ZNF385D: variants seen among roughly 807,000 people sequenced by gnomAD.
ZNF385D encodes the protein zinc finger protein 659.
Under a neutral mutation model 35.8 loss-of-function variants are expected in ZNF385D, and 15 were observed. That is an observed-to-expected ratio of 0.42 (90% CI 0.28 to 0.64). The LOEUF (loss-of-function observed/expected upper bound fraction) is 0.64, where lower values mean the gene tolerates loss of function less well. Among genes scored for constraint, ZNF385D ranks in the 30% least tolerant of loss-of-function variants. The pLI, the probability that ZNF385D is intolerant of heterozygous loss-of-function variation, is 0.23. For synonymous variants in ZNF385D, 212 were observed against 186.8 expected, an observed-to-expected ratio of 1.13 and a Z score of -1.10; for missense variants, 474 against 494.6, an observed-to-expected ratio of 0.96 and a Z score of 0.39.
At chr3:21,660,717 T>A (rs80178803) in intron 2 of ZNF385D, among the ~76,000 whole-genome samples, 1 of 152,216 alleles carries the variant, frequency 6.6e-6, no homozygotes, top group African/African-American at 2.4e-5. Context: ...CAAGCCATTC[T>A]CCTTCGATCT....
chr3:21,770,603 G>A (rs1442725633), intron 3 of ZNF385D, among the ~76,000 whole-genome samples: 1 of 152,192 alleles, frequency 6.6e-6, no homozygotes, highest in Non-Finnish European at 1.5e-5. Context: ...GTGCTGGAGA[G>A]GATGTGGAGA....
chr3:21,837,594 C>T (rs1374756824), intron 3 of ZNF385D, among the ~76,000 whole-genome samples: 1 of 151,970 alleles, frequency 6.6e-6, no homozygotes, highest in African/African-American at 2.4e-5. Flanking sequence ...GTTGGAGAGG[C>T]CAGGTGCAGT....
intron 3 of ZNF385D, among the ~76,000 whole-genome samples, chr3:21,909,761 C>T (rs984598181): frequency 2.6e-5 from 4 of 151,962 alleles, no homozygotes; most frequent in African/African-American, 9.7e-5. Flanking sequence ...CTTCAAAAGA[C>T]ACCACTTAAA....
chr3:21,729,748 G>A (rs1206490311), intron 1 of ZNF385D, among the ~76,000 whole-genome samples: 1 of 152,146 alleles, frequency 6.6e-6, no homozygotes, highest in Non-Finnish European at 1.5e-5. Context: ...TAACCCAGGG[G>A]GATGACATCC....
rs560707437 is a variant in ZNF385D at position 21,668,123 on chromosome 3, C to T, written c.23-3095G>A. On this transcript the variant is annotated intron_variant, in intron 1 of 7. Coordinates refer to ENST00000281523, the MANE Select transcript of ZNF385D (RefSeq NM_024697.3). Reference sequence around the variant, plus strand: ...TGGGTCTGATTCCCAGAACCCCCTTCGGCACCAAGGCACTCCTCTCAGCTG... The same window carrying T: ...TGGGTCTGATTCCCAGAACCCCCTTTGGCACCAAGGCACTCCTCTCAGCTG... Among the ~76,000 whole-genome samples the T allele has an allele frequency of 1.7e-4, 26 of 152,212 alleles. 1 individual carries two copies. The South Asian group carries it at 2.7e-3, about 16-fold the overall frequency.
At chr3:21,589,653 G>A (rs890239622) in intron 2 of ZNF385D, among the ~76,000 whole-genome samples, 1 of 151,654 alleles carries the variant, frequency 6.6e-6, no homozygotes, top group African/African-American at 2.4e-5. Context: ...CAAATATAAA[G>A]AACTCCAACA....
chr3:21,432,448 A>G (rs1036774962), intron 5 of ZNF385D, among the ~76,000 whole-genome samples: 2 of 152,158 alleles, frequency 1.3e-5, no homozygotes, highest in Non-Finnish European at 2.9e-5. Flanking sequence ...TGTTTAGCAA[A>G]AATTATCCAA....
intron 2 of ZNF385D, among the ~76,000 whole-genome samples, chr3:22,216,772 G>A (rs771195758): frequency 6.6e-6 from 1 of 152,078 alleles, no homozygotes; most frequent in Non-Finnish European, 1.5e-5. Context: ...GCAGTTAGAA[G>A]TGGCCATGTG....
At chr3:21,574,863 A>G (rs958283044) in intron 2 of ZNF385D, among the ~76,000 whole-genome samples, 4 of 152,164 alleles carry the variant, frequency 2.6e-5, no homozygotes, top group African/African-American at 7.2e-5. Context: ...AAATATTTAT[A>G]TATAAAATTA....
At chr3:21,637,986 A>G (rs749801399) in intron 2 of ZNF385D, among the ~76,000 whole-genome samples, 21 of 152,120 alleles carry the variant, frequency 1.4e-4, no homozygotes, top group Non-Finnish European at 2.6e-4. Flanking sequence ...GTTATTGAAC[A>G]TATCTTCCAC....
At chr3:21,614,484 G>C (rs895980035) in intron 2 of ZNF385D, among the ~76,000 whole-genome samples, 3 of 152,210 alleles carry the variant, frequency 2.0e-5, no homozygotes, top group Non-Finnish European at 4.4e-5. Flanking sequence ...TCCCCTAGGG[G>C]TTCCCTTGAT....
At chr3:22,215,297 C>T (rs891794886) in intron 2 of ZNF385D, among the ~76,000 whole-genome samples, 1 of 152,064 alleles carries the variant, frequency 6.6e-6, no homozygotes, top group African/African-American at 2.4e-5. Flanking sequence ...TAACCTTAAA[C>T]TCTGACCGCT....
At chr3:21,955,425 A>T (rs1429763498) in intron 3 of ZNF385D, among the ~76,000 whole-genome samples, 1 of 152,128 alleles carries the variant, frequency 6.6e-6, no homozygotes, top group Non-Finnish European at 1.5e-5. Context: ...ATGTTCTTCC[A>T]TATCCATCTC....
intron 5 of ZNF385D, among the ~76,000 whole-genome samples, chr3:21,430,047 G>A (rs770547109): frequency 6.6e-5 from 10 of 152,062 alleles, no homozygotes; most frequent in Non-Finnish European, 1.5e-4. Flanking sequence ...AGCATCAAAC[G>A]CTTCCATGTG....
rs541733228 is a variant in ZNF385D, at chr3:21,469,984, G to A, written c.440-32781C>T. Among the ~76,000 whole-genome samples the A allele has an allele frequency of 5.7e-4, 87 of 152,188 alleles. No individual in the cohort carries two copies. In the Middle Eastern group the frequency reaches 0.01, roughly 18 times the overall value. Reference sequence around the variant, plus strand: ...CTAAGGATATATCTACTAATGGAACGTGTTGATTTGAAAGCCAGATAAAAT... The same window carrying A: ...CTAAGGATATATCTACTAATGGAACATGTTGATTTGAAAGCCAGATAAAAT... On this transcript the variant is annotated intron_variant, in intron 4 of 7. Coordinates refer to ENST00000281523, the MANE Select transcript of ZNF385D (RefSeq NM_024697.3).
chr3:22,290,324 CAA>C (rs1702236064), intron 2 of ZNF385D, among the ~76,000 whole-genome samples: 1 of 152,130 alleles, frequency 6.6e-6, no homozygotes. Flanking sequence ...CACCCAAAGA[CAA>C]AAGCCTCCCA....
rs1159374620 is a variant in ZNF385D at position 22,287,340 on chromosome 3, T to C, written c.106+85110A>G. On this transcript the variant is annotated intron_variant, in intron 2 of 5. Coordinates refer to the ZNF385D transcript ENST00000494108. ...TTCATTAACTCACTCTATACTTTCT[T>C]ATTGCAAATCTTAATCCATTTAAAG... 3.9e-5 allele frequency among the ~76,000 whole-genome samples: 6 copies of C among 152,026 alleles called. No individual in the cohort carries two copies. The East Asian group carries it at 1.2e-3, about 29-fold the overall frequency.
At chr3:22,247,837 T>G (rs1289126302) in intron 2 of ZNF385D, among the ~76,000 whole-genome samples, 1 of 151,942 alleles carries the variant, frequency 6.6e-6, no homozygotes, top group African/African-American at 2.4e-5. Context: ...TCTCCTGAGC[T>G]TATGATCCAC....
intron 2 of ZNF385D, among the ~76,000 whole-genome samples, chr3:22,211,998 G>C (rs1176049913): frequency 1.3e-5 from 2 of 151,888 alleles, no homozygotes; most frequent in Non-Finnish European, 2.9e-5. Context: ...AAATAATTTG[G>C]GGATATGTGA....
Sources: allele counts gnomAD v4.1 joint callset (sites outside exome capture counted in the v4.1 genomes callset), GRCh38; gene constraint gnomAD v4.1.1; transcripts MANE v1.5; gene names NCBI Gene and HGNC (gene_info 2026-07-23, HGNC 2026-07-21).